Variants in LDLRAD4 observed in about 807,000 individuals in gnomAD.
The protein encoded by LDLRAD4 is low-density lipoprotein receptor class A domain-containing protein 4.
A neutral mutation model predicts 17.0 loss-of-function variants in LDLRAD4; 5 were observed. That is an observed-to-expected ratio of 0.29 (90% CI 0.15 to 0.62). The LOEUF (loss-of-function observed/expected upper bound fraction) is 0.62. Ranked by LOEUF, LDLRAD4 falls within the 20% of genes least tolerant of loss-of-function variation. The pLI is 0.84. For missense variants in LDLRAD4, 340 were observed against 424.7 expected (o/e 0.80, Z 1.75); for synonymous variants, 168 against 171.8 (o/e 0.98, Z 0.17).
At position 13,330,658 on chromosome 18, in the gene LDLRAD4, A is replaced by G. The variant is rs543766513; in HGVS notation, c.-383+52470A>G. Among the ~76,000 whole-genome samples the G allele has an allele frequency of 2.0e-5, 3 of 152,282 alleles. No homozygotes were observed. In the South Asian group the frequency reaches 6.2e-4, roughly 32 times the overall value. ...CTTCGACCCCTTTTCCTGACATACA[A>G]CTCTAAAAATCCTTAGAATCTCCAC... is the stretch of plus-strand genomic sequence containing the variant. On this transcript the variant is annotated intron_variant, in intron 1 of 5. Transcript: ENST00000359446.
intron 1 of LDLRAD4, among the ~76,000 whole-genome samples, chr18:13,348,231 G>T (rs961863281): frequency 2.0e-4 from 30 of 151,866 alleles, no homozygotes; most frequent in Middle Eastern, 6.8e-3. Flanking sequence ...TGATGATGGT[G>T]ACATACAAAT....
chr18:13,423,992 G>A (rs777315760), intron 2 of LDLRAD4, among the ~76,000 whole-genome samples: 13 of 152,022 alleles, frequency 8.6e-5, no homozygotes, highest in South Asian at 2.1e-4. Context: ...AAAATCAGCC[G>A]GGCGTGGTGG....
chr18:13,547,368 A>C (rs2094379830), intron 3 of LDLRAD4, among the ~76,000 whole-genome samples: 1 of 152,210 alleles, frequency 6.6e-6, no homozygotes, highest in South Asian at 2.1e-4. Context: ...CCAGTGTCTA[A>C]CTTTGTGCGT....
intron 3 of LDLRAD4, among the ~76,000 whole-genome samples, chr18:13,608,522 C>T (rs767537577): frequency 1.3e-5 from 2 of 152,146 alleles, no homozygotes; most frequent in Admixed American, 6.5e-5. Flanking sequence ...TCTGAGTAGC[C>T]GCTGAGCTAC....
At chr18:13,455,842 CA>C (rs2092103858) in intron 3 of LDLRAD4, among the ~76,000 whole-genome samples, 1 of 152,100 alleles carries the variant, frequency 6.6e-6, no homozygotes, top group African/African-American at 2.4e-5. Context: ...TGATAAATTG[CA>C]GTTGTATATT....
intron 3 of LDLRAD4, among the ~76,000 whole-genome samples, chr18:13,525,834 G>C (rs937578633): frequency 6.6e-6 from 1 of 152,202 alleles, no homozygotes; most frequent in Admixed American, 6.5e-5. Context: ...CAGGAGGAAC[G>C]GTTCTTCTCC....
intron 1 of LDLRAD4, among the ~76,000 whole-genome samples, chr18:13,221,111 GAGTT>G (rs1480329651): frequency 6.6e-6 from 1 of 152,154 alleles, no homozygotes; most frequent in Non-Finnish European, 1.5e-5. Flanking sequence ...TCCTGTGTAA[GAGTT>G]AGTAGAGAAG....
At chr18:13,650,073 A>G (rs2043181151) in exon 6 of LDLRAD4, 1 of 398,544 alleles carries the variant, frequency 2.5e-6, no homozygotes, top group Non-Finnish European at 4.4e-6. Flanking sequence ...CACCACCGCC[A>G]GCTGCCAGCA....
intron 1 of LDLRAD4, among the ~76,000 whole-genome samples, chr18:13,232,232 A>C (rs1370459665): frequency 6.6e-6 from 1 of 152,160 alleles, no homozygotes; most frequent in East Asian, 1.9e-4. Flanking sequence ...TGTGGGACTT[A>C]GGAGTATGTC....
At chr18:13,309,994 G>T (rs1236377788) in intron 1 of LDLRAD4, among the ~76,000 whole-genome samples, 3 of 152,136 alleles carry the variant, frequency 2.0e-5, no homozygotes, top group Non-Finnish European at 4.4e-5. Context: ...GGCAGCCTCG[G>T]TGACAGTGTT....
At chr18:13,418,989 A>T (rs1056559964) in intron 2 of LDLRAD4, among the ~76,000 whole-genome samples, 10 of 152,208 alleles carry the variant, frequency 6.6e-5, no homozygotes, top group Non-Finnish European at 1.5e-4. Flanking sequence ...AGAATACTTC[A>T]TGTACTTTTA....
At chr18:13,372,193 G>A (rs1893980) in intron 1 of LDLRAD4, among the ~76,000 whole-genome samples, 33,293 of 152,188 alleles carry the variant, frequency 0.22, 3,830 homozygotes, top group South Asian at 0.28. Flanking sequence ...CAGAAAGGCC[G>A]GTCCCTGCCC....
chr18:13,496,203 G>A (rs781132182), intron 3 of LDLRAD4, among the ~76,000 whole-genome samples: 10 of 152,208 alleles, frequency 6.6e-5, no homozygotes, highest in African/African-American at 2.2e-4. Context: ...ATCCTGAGTC[G>A]TGGAGACTGT....
At chr18:13,595,762 A>T (rs1048732110) in intron 3 of LDLRAD4, among the ~76,000 whole-genome samples, 1 of 152,184 alleles carries the variant, frequency 6.6e-6, no homozygotes, top group Non-Finnish European at 1.5e-5. Context: ...TTTTAATCAT[A>T]GGGTATATAT....
rs1342345084 is a variant in LDLRAD4 at position 13,454,983 on chromosome 18, TG to T, written c.181+16601del. ...GGGTGCTCAGTCCGCGTTTGTTGAG[TG>T]GATGATCACAACCCTGCAAACATGT... On this transcript the variant is annotated intron_variant, in intron 3 of 5. Coordinates refer to ENST00000359446, the Ensembl canonical transcript of LDLRAD4. Among the ~76,000 whole-genome samples the T allele has an allele frequency of 3.9e-5, 6 of 152,246 alleles. No individual in the cohort carries two copies. In the East Asian group the frequency reaches 1.2e-3, roughly 29 times the overall value.
At chr18:13,365,964 G>A (rs1465923807) in intron 1 of LDLRAD4, among the ~76,000 whole-genome samples, 1 of 152,174 alleles carries the variant, frequency 6.6e-6, no homozygotes, top group African/African-American at 2.4e-5. Context: ...TAGTAGAGAA[G>A]GGGTTTCACC....
chr18:13,328,110 G>A (rs1164986823), intron 1 of LDLRAD4, among the ~76,000 whole-genome samples: 1 of 152,128 alleles, frequency 6.6e-6, no homozygotes, highest in Admixed American at 6.5e-5. Flanking sequence ...CCCTTTTGTG[G>A]TTTTGACCAA....
intron 3 of LDLRAD4, among the ~76,000 whole-genome samples, chr18:13,476,698 T>C (rs1222138870): frequency 6.6e-6 from 1 of 151,770 alleles, no homozygotes; most frequent in East Asian, 1.9e-4. Context: ...ACGTGTCCCC[T>C]GTCCCTAGGC....
chr18:13,406,610 C>T (rs2145616838), intron 2 of LDLRAD4, among the ~76,000 whole-genome samples: 1 of 152,286 alleles, frequency 6.6e-6, no homozygotes, highest in South Asian at 2.1e-4. Context: ...AGAGGAGCCT[C>T]ATCATTCTGA....
Sources: gnomAD v4.1 joint callset for allele counts (sites outside exome capture counted in the v4.1 genomes callset) on GRCh38, gnomAD v4.1.1 for gene constraint, MANE v1.5 for transcripts, NCBI Gene and HGNC (gene_info 2026-07-23, HGNC 2026-07-21) for gene names.